POU6F2: variants seen among roughly 807,000 people sequenced by gnomAD.
POU6F2 encodes POU domain, class 6, transcription factor 2.
A neutral mutation model predicts 71.3 loss-of-function variants in POU6F2; 31 were observed. That is an observed-to-expected ratio of 0.43 (90% CI 0.33 to 0.59). The LOEUF (loss-of-function observed/expected upper bound fraction) is 0.59. Ranked by LOEUF, POU6F2 falls within the 20% of genes least tolerant of loss-of-function variation. The pLI is 0.04. For missense variants in POU6F2, 783 were observed against 856.8 expected (o/e 0.91, Z 1.07); for synonymous variants, 347 against 355.7 (o/e 0.98, Z 0.27).
At chr7:39,198,449 C>T (rs1793828701) in intron 2 of POU6F2, among the ~76,000 whole-genome samples, 1 of 152,226 alleles carries the variant, frequency 6.6e-6, no homozygotes, top group Non-Finnish European at 1.5e-5. Flanking sequence ...CTAGACCCCT[C>T]ACCCAAAGAA....
chr7:39,400,169 T>C (rs1201284542), intron 5 of POU6F2, among the ~76,000 whole-genome samples: 1 of 152,188 alleles, frequency 6.6e-6, no homozygotes, highest in South Asian at 2.1e-4. Context: ...GGTCGAATTC[T>C]CCTAGAGCCA....
At chr7:39,026,263 G>T (rs975214688) in intron 1 of POU6F2, among the ~76,000 whole-genome samples, 5 of 151,632 alleles carry the variant, frequency 3.3e-5, no homozygotes, top group Non-Finnish European at 5.9e-5. Context: ...TATACCCAAA[G>T]GACTATAAAT....
At chr7:39,226,588 G>A (rs376985698) in intron 4 of POU6F2, among the ~76,000 whole-genome samples, 1 of 152,160 alleles carries the variant, frequency 6.6e-6, no homozygotes, top group Non-Finnish European at 1.5e-5. Flanking sequence ...TGAATGTAAA[G>A]CTTTCACTTT....
rs1435468371 is a variant in POU6F2, at chr7:39,464,666, T to C, written c.2143T>C (p.Ser715Pro). ...TAVPLEPLTD[S>P]LEENS The stretch of plus-strand genomic sequence containing the variant: ...AGTCCCTTTGGAGCCCTTAACAGAC[T>C]CTCTGGAAGAAAACTCCTAAAGAGA... Residue 715 changes from serine to proline, a missense_variant, in exon 10 of 10, where the codon TCT (serine) becomes CCT (proline). Ser to Pro is a moderately conservative substitution (Grantham distance 74, BLOSUM62 -1). Transcript: ENST00000518318. The surrounding 1 kb of genome is among the most constrained non-coding windows in gnomAD (Gnocchi z 4.1). The C allele has an allele frequency of 6.2e-7, 1 of 1,604,536 alleles. No homozygotes were observed.
At chr7:39,371,423 C>A (rs1039158141) in intron 5 of POU6F2, among the ~76,000 whole-genome samples, 2 of 152,164 alleles carry the variant, frequency 1.3e-5, no homozygotes, top group African/African-American at 4.8e-5. Context: ...TCATGATCTG[C>A]CCACCTTGGC....
At chr7:39,061,399 A>C (rs1790654164) in intron 1 of POU6F2, among the ~76,000 whole-genome samples, 1 of 152,156 alleles carries the variant, frequency 6.6e-6, no homozygotes, top group African/African-American at 2.4e-5. Flanking sequence ...TAGTTTTTTC[A>C]AGCTTAGTTT....
At position 38,999,703 on chromosome 7, in the gene POU6F2, C is replaced by T. The variant is rs185484046; in HGVS notation, c.105+21645C>T. Among the ~76,000 whole-genome samples the T allele has an allele frequency of 2.7e-3, 412 of 152,268 alleles. 3 individuals are homozygous for T. Among genetic ancestry groups the T allele is most frequent in the African/African-American group, 6.8e-3 (284 of 41,576 alleles). On this transcript the variant is annotated intron_variant, in intron 1 of 9. Coordinates refer to ENST00000518318, the MANE Select transcript of POU6F2 (RefSeq NM_001370959.1). ...GTCGACATATCCAATGACAGGTTTA[C>T]GTGCTTTTTGCAATGACAATGCTGT...
intron 1 of POU6F2, among the ~76,000 whole-genome samples, chr7:39,010,399 T>A (rs1406868431): frequency 1.1e-4 from 16 of 150,896 alleles, no homozygotes; most frequent in South Asian, 2.1e-4. Flanking sequence ...TTGCATCTAT[T>A]TGATTCTTCT....
intron 1 of POU6F2, among the ~76,000 whole-genome samples, chr7:39,019,492 T>A (rs1789629945): frequency 6.6e-6 from 1 of 152,172 alleles, no homozygotes; most frequent in Non-Finnish European, 1.5e-5. Context: ...ATTCCATTTG[T>A]AGGCTTGTTT....
chr7:39,266,649 G>A (rs1784248210), intron 4 of POU6F2, among the ~76,000 whole-genome samples: 1 of 147,640 alleles, frequency 6.8e-6, no homozygotes, highest in African/African-American at 2.5e-5. Flanking sequence ...TCCTGCTTCA[G>A]CCTCTTGAGT....
At chr7:39,437,217 T>C (rs915468159) in intron 7 of POU6F2, among the ~76,000 whole-genome samples, 4 of 152,216 alleles carry the variant, frequency 2.6e-5, no homozygotes, top group Admixed American at 2.6e-4. Context: ...TTTTTGTATT[T>C]CTGGTAGAAT....
At chr7:39,180,704 C>T (rs1451052623) in intron 2 of POU6F2, among the ~76,000 whole-genome samples, 1 of 152,176 alleles carries the variant, frequency 6.6e-6, no homozygotes, top group Non-Finnish European at 1.5e-5. Context: ...GTTCAATGCT[C>T]TGCTGTCACT....
At chr7:39,023,007 A>C (rs1789713042) in intron 1 of POU6F2, among the ~76,000 whole-genome samples, 1 of 152,046 alleles carries the variant, frequency 6.6e-6, no homozygotes. Flanking sequence ...AGCACTTAGT[A>C]TGGTCAGTCT....
chr7:39,177,811 A>G (rs1793359029), intron 2 of POU6F2, among the ~76,000 whole-genome samples: 1 of 152,236 alleles, frequency 6.6e-6, no homozygotes, highest in South Asian at 2.1e-4. Flanking sequence ...AAGTTATTAT[A>G]TTGATGCTAC....
chr7:39,185,440 T>C (rs1303130474), intron 2 of POU6F2, among the ~76,000 whole-genome samples: 1 of 152,146 alleles, frequency 6.6e-6, no homozygotes, highest in Non-Finnish European at 1.5e-5. Flanking sequence ...CCCTGAAATA[T>C]AATGCTAATG....
At chr7:38,997,758 C>T (rs1788779021) in intron 1 of POU6F2, among the ~76,000 whole-genome samples, 1 of 152,174 alleles carries the variant, frequency 6.6e-6, no homozygotes, top group Non-Finnish European at 1.5e-5. Flanking sequence ...AAGGTCCCAG[C>T]TGTTATGGAC....
intron 6 of POU6F2, among the ~76,000 whole-genome samples, chr7:39,409,055 A>G (rs1297892941): frequency 6.6e-6 from 1 of 152,248 alleles, no homozygotes; most frequent in Non-Finnish European, 1.5e-5. Flanking sequence ...AAAGGTAGCA[A>G]TACATTGGAA....
At chr7:39,251,195 T>A (rs998289920) in intron 4 of POU6F2, among the ~76,000 whole-genome samples, 3 of 152,254 alleles carry the variant, frequency 2.0e-5, no homozygotes, top group Admixed American at 6.5e-5. Flanking sequence ...CATTTTTAAT[T>A]CTTTTAATGT....
intron 7 of POU6F2, among the ~76,000 whole-genome samples, chr7:39,437,157 C>T (rs1788266354): frequency 6.6e-6 from 1 of 152,062 alleles, no homozygotes; most frequent in South Asian, 2.1e-4. Context: ...AGGAGGAGTC[C>T]CTCCTTTTCA....
Sources: gnomAD v4.1 joint callset for allele counts (sites outside exome capture counted in the v4.1 genomes callset) on GRCh38, gnomAD v4.1.1 for gene constraint, Gnocchi (gnomAD v3.1) non-coding constraint, MANE v1.5 for transcripts, NCBI Gene and HGNC (gene_info 2026-07-23, HGNC 2026-07-21) for gene names.